The following IL36B variants were observed in gnomAD, a reference collection of about 807,000 sequenced individuals.
IL36B encodes the protein interleukin 36 beta.
In IL36B, 23 loss-of-function variants were observed where a neutral mutation model predicts 19.3. The observed-to-expected ratio is 1.19, with a 90% CI of 0.86 to 1.69. The LOEUF (loss-of-function observed/expected upper bound fraction) is 1.69, where lower values mean the gene tolerates loss of function less well. IL36B is among the 40% of genes most tolerant of loss of function. The pLI is 0.00. For synonymous variants in IL36B, 59 were observed against 59.7 expected (o/e 0.99, Z 0.05); for missense variants, 217 against 200.5 (o/e 1.08, Z -0.50).
chr2:113,029,012 T>C lies in IL36B; in HGVS notation c.188A>G (p.Tyr63Cys). Residue 63 changes from tyrosine to cysteine, a missense_variant, in exon 4 of 6, where the codon TAC becomes TGC. Transcript: ENST00000259213. The stretch of plus-strand genomic sequence containing the variant: ...GAGATCTTTTCCCTTGATTCCCAGG[T>C]AAACCATATTACCCTTTTCCTTGTC... 6.2e-7 allele frequency: 1 copy of C among 1,614,026 alleles called. No individual in the cohort carries two copies. Among genetic ancestry groups the C allele is most frequent in the Non-Finnish European group, 8.5e-7 (1 of 1,179,864 alleles).
intron 4 of IL36B, chr2:113,027,913 G>T: frequency 6.2e-7 from 1 of 1,614,058 alleles, no homozygotes; most frequent in Non-Finnish European, 8.5e-7. Context: ...TTATTCCACA[G>T]AATCTAAGTA....
chr2:113,026,519 C>T (rs1014816334), intron 4 of IL36B, among the ~76,000 whole-genome samples: 2 of 152,152 alleles, frequency 1.3e-5, no homozygotes, highest in African/African-American at 4.8e-5. Context: ...AGGACAAGTT[C>T]TCTTGAGAGA....
chr2:113,026,335 C>T, intron 4 of IL36B: 1 of 1,527,096 alleles, frequency 6.5e-7, no homozygotes, highest in South Asian at 1.2e-5. Flanking sequence ...GGCCTGCATA[C>T]AGCATGTAAG....
At chr2:113,050,571 AACTGTAC>A (rs1685425704) in intron 1 of IL36B, among the ~76,000 whole-genome samples, 1 of 152,170 alleles carries the variant, frequency 6.6e-6, no homozygotes, top group South Asian at 2.1e-4. Flanking sequence ...AATGCCACTG[AACTGTAC>A]ACTTAAAAAT....
chr2:113,027,615 T>G, intron 4 of IL36B: 1 of 1,226,488 alleles, frequency 8.2e-7, no homozygotes, highest in Non-Finnish European at 1.0e-6. Context: ...GAAGCAGCAT[T>G]TGGGGGGTTG....
intron 4 of IL36B, 93 bp from the exon 5 acceptor site, chr2:113,028,208 G>A: frequency 1.0e-6 from 1 of 979,734 alleles, no homozygotes; most frequent in Non-Finnish European, 1.6e-6. Flanking sequence ...AGGGACTGCT[G>A]CCCCCAAAGG....
At chr2:113,043,046 T>C (rs961160500) in intron 1 of IL36B, among the ~76,000 whole-genome samples, 5 of 152,160 alleles carry the variant, frequency 3.3e-5, no homozygotes, top group African/African-American at 4.8e-5. Flanking sequence ...AACATCTTTT[T>C]GTAGGCTTTT....
At chr2:113,042,270 C>G (rs1685271450) in intron 1 of IL36B, among the ~76,000 whole-genome samples, 1 of 152,074 alleles carries the variant, frequency 6.6e-6, no homozygotes, top group Non-Finnish European at 1.5e-5. Context: ...TCCTAGAATG[C>G]CTAAGCTAGC....
intron 1 of IL36B, among the ~76,000 whole-genome samples, chr2:113,034,459 A>G (rs1685131235): frequency 6.6e-6 from 1 of 150,770 alleles, no homozygotes; most frequent in South Asian, 2.1e-4. Context: ...GTATGCTTCC[A>G]TGGTTTTGGA....
intron 1 of IL36B, among the ~76,000 whole-genome samples, chr2:113,045,514 G>C (rs1685334100): frequency 6.6e-6 from 1 of 152,048 alleles, no homozygotes; most frequent in Non-Finnish European, 1.5e-5. Flanking sequence ...TGGTTTTCAT[G>C]AAATTTAGAA....
intron 1 of IL36B, among the ~76,000 whole-genome samples, chr2:113,047,513 A>T (rs1685370379): frequency 6.6e-6 from 1 of 152,130 alleles, no homozygotes; most frequent in African/African-American, 2.4e-5. Flanking sequence ...AATTTGATCC[A>T]TTTGGGACTT....
Position 113,048,914 on chromosome 2 carries a change from A to G in IL36B, c.-58+3903T>C, listed in dbSNP as rs543902544. Among the ~76,000 whole-genome samples, 51 of 152,344 alleles carry G rather than the reference A, an allele frequency of 3.3e-4. 1 individual carries two copies. Among genetic ancestry groups the G allele is most frequent in the Non-Finnish European group, 3.4e-4 (23 of 68,036 alleles). ...CACAGAAGAAGTAAGTAACCTGAGT[A>G]ATCCCATTTCTATGAAAGCAATTGA... On this transcript the variant is annotated intron_variant, in intron 1 of 5. Transcript: ENST00000259213.
chr2:113,041,104 C>T (rs35098063), intron 1 of IL36B, among the ~76,000 whole-genome samples: 1 of 145,978 alleles, frequency 6.9e-6, no homozygotes, highest in Non-Finnish European at 1.5e-5. Context: ...TGCAGTCAGC[C>T]GAGATTGAGC....
chr2:113,033,556 G>A (rs941961612), intron 1 of IL36B, among the ~76,000 whole-genome samples: 1 of 152,010 alleles, frequency 6.6e-6, no homozygotes, highest in Non-Finnish European at 1.5e-5. Flanking sequence ...AACTCTTTAG[G>A]GGCCATTAAT....
At chr2:113,041,333 T>A (rs916161166) in intron 1 of IL36B, among the ~76,000 whole-genome samples, 1 of 152,122 alleles carries the variant, frequency 6.6e-6, no homozygotes, top group Non-Finnish European at 1.5e-5. Context: ...TATGCCAAAG[T>A]GATCCAGTGG....
intron 1 of IL36B, among the ~76,000 whole-genome samples, chr2:113,040,899 T>C (rs1685245142): frequency 6.6e-6 from 1 of 152,212 alleles, no homozygotes; most frequent in Non-Finnish European, 1.5e-5. Flanking sequence ...CTCACGCCTG[T>C]AATTCCAGCA....
intron 4 of IL36B, chr2:113,026,337 G>A: frequency 6.6e-7 from 1 of 1,522,388 alleles, no homozygotes; most frequent in Non-Finnish European, 8.8e-7. Flanking sequence ...CCTGCATACA[G>A]CATGTAAGGT....
chr2:113,031,765 G>C lies in IL36B; in HGVS notation c.-56C>G. On this transcript the variant is annotated splice_region_variant and 5_prime_UTR_variant, in exon 2 of 6. Transcript: ENST00000259213. ...AAGATAGATCAGATGGTGGTGAGGA[G>C]GCTGTTAACAGTTGGCCATGTGAGA... 1 of 1,423,444 alleles carries C rather than the reference G, an allele frequency of 7.0e-7. No homozygotes were observed. The allele number at this position is 1,423,444 out of a possible 1,614,324, so 88.2% of individuals were successfully genotyped here.
At chr2:113,028,009 G>T in intron 4 of IL36B, 1 of 1,614,176 alleles carries the variant, frequency 6.2e-7, no homozygotes, top group Non-Finnish European at 8.5e-7. Flanking sequence ...GAACCAGCCA[G>T]GGTAAGAGAC....
Sources: gnomAD v4.1 joint callset for allele counts (sites outside exome capture counted in the v4.1 genomes callset) on GRCh38, gnomAD v4.1.1 for gene constraint, MANE v1.5 for transcripts, NCBI Gene and HGNC (gene_info 2026-07-23, HGNC 2026-07-21) for gene names.